Variants in HFM1 observed in about 807,000 individuals in gnomAD.
HFM1 encodes probable ATP-dependent DNA helicase HFM1.
Under a neutral mutation model 192.1 loss-of-function variants are expected in HFM1, and 169 were observed. The ratio of observed to expected loss-of-function variants is 0.88; its 90% CI spans 0.78 to 1.00. HFM1 has a LOEUF of 1.00. HFM1 is among the 50% of genes least tolerant of loss of function. The pLI is 0.00. For missense variants in HFM1, 1,661 were observed against 1,668.0 expected, an observed-to-expected ratio of 1.00 and a Z score of 0.07; for synonymous variants, 525 against 537.8, an observed-to-expected ratio of 0.98 and a Z score of 0.33.
Position 91,380,194 on chromosome 1 carries a change from C to A in HFM1, c.916G>T (p.Gly306Cys). The change falls in exon 8 of 39, where the codon GGT becomes TGT. Residue 306 changes from glycine (G) to cysteine (C), a missense_variant. By Grantham distance (159) the Gly-to-Cys change is radical. Transcript: ENST00000370425. ...DRNFVICAPT[G>C]SGKTVVFELA... ...TCAAACACTACAGTTTTTCCAGAAC[C>A]AGTTGGAGCACAAATCACAAAATTC... 6.3e-7 allele frequency: 1 copy of A among 1,577,494 alleles called. No individual in the cohort carries two copies. Among genetic ancestry groups the A allele is most frequent in the Non-Finnish European group, 8.6e-7 (1 of 1,156,560 alleles).
At chr1:91,389,845 A>G (rs1022419994) in intron 4 of HFM1, among the ~76,000 whole-genome samples, 5 of 152,204 alleles carry the variant, frequency 3.3e-5, no homozygotes, top group African/African-American at 1.2e-4. Flanking sequence ...ATGTGGAGAA[A>G]CTGGAACTCT....
intron 34 of HFM1, 88 bp downstream of exon 34, chr1:91,273,624 A>C: frequency 1.6e-6 from 1 of 629,630 alleles, no homozygotes; most frequent in South Asian, 2.2e-5. Context: ...TAACAATTTC[A>C]GATGCCGGTG....
intron 30 of HFM1, among the ~76,000 whole-genome samples, chr1:91,286,718 G>A (rs543324210): frequency 1.3e-5 from 2 of 152,162 alleles, no homozygotes; most frequent in Non-Finnish European, 2.9e-5. Context: ...CGCAGAAGAC[G>A]GGTGATTTCT....
At chr1:91,380,288 A>C in intron 7 of HFM1, 52 bp from the exon 8 acceptor site, 1 of 1,115,818 alleles carries the variant, frequency 9.0e-7, no homozygotes, top group Non-Finnish European at 1.2e-6. Flanking sequence ...TTTCACACAC[A>C]TTCTCAATTT....
rs143352214 is a variant in HFM1 at position 91,280,642 on chromosome 1, CCT to C, written c.3392-3582_3392-3581del. On this transcript the variant is annotated intron_variant, in intron 30 of 38. Coordinates refer to ENST00000370425, the MANE Select transcript of HFM1 (RefSeq NM_001017975.6). ...CATGCGGCAGTTTCTCATCTGCCTCCCTGATTCCACTAAGGTATGGAACTTTC... is the reference window on the plus strand; with the variant it reads ...CATGCGGCAGTTTCTCATCTGCCTCCGATTCCACTAAGGTATGGAACTTTC... Among the ~76,000 whole-genome samples, 219 of 152,328 alleles carry C rather than the reference CCT, an allele frequency of 1.4e-3. 2 individuals carry two copies. In the East Asian group the frequency reaches 0.023, roughly 16 times the overall value.
chr1:91,348,500 AT>A (rs1173978314), intron 18 of HFM1, among the ~76,000 whole-genome samples: 1 of 152,254 alleles, frequency 6.6e-6, no homozygotes, highest in African/African-American at 2.4e-5. Flanking sequence ...CATGTAAAAA[AT>A]GAAGGGTTTT....
rs1316611980 is a variant in HFM1 at position 91,293,513 on chromosome 1, C to G, written c.3392-16451G>C. 1.6e-3 allele frequency among the ~76,000 whole-genome samples: 246 copies of G among 150,838 alleles called. 1 individual carries two copies. Among genetic ancestry groups the G allele is most frequent in the Non-Finnish European group, 3.3e-4 (22 of 67,248 alleles). On this transcript the variant is annotated intron_variant, in intron 30 of 38. Transcript: ENST00000370425. ...ACCACAATGAGATACCATCTCACAC[C>G]AGTTAGAATGGCAATCATTAAAAAG...
chr1:91,340,505 C>T (rs117521372), intron 20 of HFM1, among the ~76,000 whole-genome samples: 1 of 152,186 alleles, frequency 6.6e-6, no homozygotes. Context: ...CACAAAGACA[C>T]ACTTTAGTAT....
intron 31 of HFM1, 46 bp from the exon 32 acceptor site, chr1:91,276,789 A>T: frequency 1.0e-6 from 1 of 986,482 alleles, no homozygotes; most frequent in African/African-American, 1.7e-5. Flanking sequence ...TTCAGATCTT[A>T]TTCTTATAAA....
intron 20 of HFM1, among the ~76,000 whole-genome samples, chr1:91,325,337 G>T (rs1032149501): frequency 6.6e-6 from 1 of 152,150 alleles, no homozygotes; most frequent in East Asian, 1.9e-4. Context: ...TCACCATCCC[G>T]AAGTGAAAGG....
At chr1:91,264,119 C>A (rs1483360617) in intron 36 of HFM1, among the ~76,000 whole-genome samples, 6 of 151,972 alleles carry the variant, frequency 3.9e-5, no homozygotes. Context: ...TTTAAGAAAT[C>A]CTAACATGGA....
intron 30 of HFM1, among the ~76,000 whole-genome samples, chr1:91,289,585 T>A (rs1668471036): frequency 6.6e-6 from 1 of 152,050 alleles, no homozygotes; most frequent in Admixed American, 6.5e-5. Flanking sequence ...GAGCACTGAG[T>A]GAGCGAGACT....
At chr1:91,311,180 C>G (rs908039722) in intron 30 of HFM1, among the ~76,000 whole-genome samples, 6 of 152,126 alleles carry the variant, frequency 3.9e-5, no homozygotes, top group African/African-American at 1.2e-4. Context: ...ACTCTTGTTA[C>G]GTTTTAGCAA....
At chr1:91,307,226 T>G (rs1649740354) in intron 30 of HFM1, among the ~76,000 whole-genome samples, 1 of 152,148 alleles carries the variant, frequency 6.6e-6, no homozygotes, top group South Asian at 2.1e-4. Context: ...GTTACATTAT[T>G]ATGTTTGATA....
At chr1:91,321,460 T>C (rs1652094207) in intron 23 of HFM1, among the ~76,000 whole-genome samples, 2 of 150,882 alleles carry the variant, frequency 1.3e-5, no homozygotes, top group Non-Finnish European at 3.0e-5. Context: ...AATAAATAAA[T>C]AAATAAAAAT....
At position 91,274,653 on chromosome 1, in the gene HFM1, C is replaced by T. The variant is rs1666631286; in HGVS notation, c.3668+77G>A. The T allele has an allele frequency of 4.4e-6, 3 of 676,360 alleles. No homozygotes were observed. The South Asian group carries it at 6.6e-5, about 15-fold the overall frequency. The allele number at this position is 676,360 out of a possible 1,614,324, so 41.9% of individuals were successfully genotyped here. A position where few individuals can be genotyped will look rare whatever the true frequency, so the allele number is the denominator to read the frequency against. ...TTGATGGTAGCCAGTGACTATCTTT[C>T]CCTGAATAAGTGGTTACCTGCAGGA... On this transcript the variant is annotated intron_variant, in intron 33 of 38. Transcript: ENST00000370425.
intron 20 of HFM1, among the ~76,000 whole-genome samples, chr1:91,336,008 C>T (rs1465129700): frequency 6.7e-6 from 1 of 149,654 alleles, no homozygotes; most frequent in Non-Finnish European, 1.5e-5. Flanking sequence ...TAAGATCCTC[C>T]AAGGGCTTTC....
intron 4 of HFM1, among the ~76,000 whole-genome samples, chr1:91,390,144 CA>C (rs1188873160): frequency 2.0e-5 from 3 of 152,098 alleles, no homozygotes; most frequent in Non-Finnish European, 4.4e-5. Flanking sequence ...GCCATTAAAA[CA>C]AAATGAAATA....
At chr1:91,312,672 T>G (rs1650641771) in intron 30 of HFM1, among the ~76,000 whole-genome samples, 1 of 152,212 alleles carries the variant, frequency 6.6e-6, no homozygotes, top group Non-Finnish European at 1.5e-5. Flanking sequence ...ACTTTTGGGT[T>G]AATGCTGAAA....
Sources: gnomAD v4.1 joint callset for allele counts (sites outside exome capture counted in the v4.1 genomes callset) on GRCh38, gnomAD v4.1.1 for gene constraint, MANE v1.5 for transcripts, NCBI Gene and HGNC (gene_info 2026-07-23, HGNC 2026-07-21) for gene names.